NXPE2: variants seen among roughly 807,000 people sequenced by gnomAD.
NXPE2 encodes neurexophilin and PC-esterase domain family member 2.
NXPE2 carries 34 observed loss-of-function variants against 34.4 expected under a neutral mutation model. That is an observed-to-expected ratio of 0.99 (90% CI 0.75 to 1.31). The LOEUF is 1.31. NXPE2 is among the 40% of genes most tolerant of loss of function. The probability of loss-of-function intolerance (pLI) is 0.00; values close to 1 mark genes in which losing one functional copy is unlikely to be tolerated. For synonymous variants in NXPE2, 235 were observed against 231.3 expected (o/e 1.02, Z -0.15); for missense variants, 649 against 672.5 (o/e 0.97, Z 0.39).
the NXPE2 span, among the ~76,000 whole-genome samples, chr11:114,672,364 G>C: frequency 6.6e-6 from 1 of 151,552 alleles, no homozygotes. Flanking sequence ...GAATTAAGAT[G>C]TTACACTAGA....
the NXPE2 span, chr11:114,523,084 T>C: frequency 1.2e-6 from 2 of 1,611,800 alleles, no homozygotes; most frequent in Non-Finnish European, 1.7e-6. Flanking sequence ...CTTCTATTTT[T>C]TCTCTCTCTG....
the NXPE2 span, among the ~76,000 whole-genome samples, chr11:114,658,879 G>A: frequency 1.3e-5 from 2 of 152,124 alleles, no homozygotes; most frequent in Admixed American, 1.3e-4. Flanking sequence ...CTCCCAGTAG[G>A]CTAGGCAGCA....
chr11:114,731,717 A>G, the NXPE2 span, among the ~76,000 whole-genome samples: 2 of 152,262 alleles, frequency 1.3e-5, no homozygotes, highest in African/African-American at 4.8e-5. Flanking sequence ...GGTGGTGGAT[A>G]CATAAATCAG....
chr11:114,665,088 T>C, the NXPE2 span, among the ~76,000 whole-genome samples: 10 of 152,300 alleles, frequency 6.6e-5, no homozygotes, highest in Admixed American at 6.5e-4. Context: ...TATATTCCCA[T>C]TTATCAAACA....
At chr11:114,728,904 T>C in the NXPE2 span, among the ~76,000 whole-genome samples, 1 of 152,226 alleles carries the variant, frequency 6.6e-6, no homozygotes, top group African/African-American at 2.4e-5. Context: ...ATTTATTTTT[T>C]AATTTTTATA....
At chr11:114,491,902 T>C in the NXPE2 span, among the ~76,000 whole-genome samples, 4 of 152,262 alleles carry the variant, frequency 2.6e-5, no homozygotes, top group African/African-American at 7.2e-5. Flanking sequence ...AGCAAACTAT[T>C]GCAAGGACAA....
At chr11:114,657,620 C>T in the NXPE2 span, among the ~76,000 whole-genome samples, 1 of 151,880 alleles carries the variant, frequency 6.6e-6, no homozygotes, top group African/African-American at 2.4e-5. Context: ...AATAAAAATA[C>T]TTAGGAAACT....
the NXPE2 span, among the ~76,000 whole-genome samples, chr11:114,717,718 C>T: frequency 6.6e-6 from 1 of 152,226 alleles, no homozygotes; most frequent in African/African-American, 2.4e-5. Context: ...CATCTTCCCA[C>T]TTCCCCCCAC....
At chr11:114,556,050 A>G in the NXPE2 span, among the ~76,000 whole-genome samples, 1 of 152,204 alleles carries the variant, frequency 6.6e-6, no homozygotes, top group African/African-American at 2.4e-5. Context: ...GCCATATGGT[A>G]AGTAAATGTT....
intron 2 of NXPE2, among the ~76,000 whole-genome samples, chr11:114,696,555 T>C (rs930982325): frequency 1.3e-5 from 2 of 152,126 alleles, no homozygotes; most frequent in Non-Finnish European, 2.9e-5. Context: ...AAGATCATTA[T>C]GTAATGGTAA....
At chr11:114,584,551 T>C in the NXPE2 span, 7 of 162,906 alleles carry the variant, frequency 4.3e-5, no homozygotes, top group African/African-American at 1.7e-4. Flanking sequence ...GGCTGCAAGA[T>C]CTCTCCCATC....
the NXPE2 span, among the ~76,000 whole-genome samples, chr11:114,640,951 A>C: frequency 1.3e-5 from 2 of 152,050 alleles, no homozygotes; most frequent in Non-Finnish European, 2.9e-5. Context: ...GGAAAAAGGC[A>C]GTAGAACACA....
chr11:114,536,508 A>G, the NXPE2 span, among the ~76,000 whole-genome samples: 2 of 152,182 alleles, frequency 1.3e-5, no homozygotes, highest in Non-Finnish European at 2.9e-5. Flanking sequence ...TTTTTTGAAA[A>G]GATCAACAAA....
chr11:114,709,892 A>C (rs1046332307), downstream of NXPE2, among the ~76,000 whole-genome samples: 5 of 151,812 alleles, frequency 3.3e-5, no homozygotes, highest in Non-Finnish European at 7.4e-5. Flanking sequence ...ACAGAGCGAG[A>C]CTCTGTCTCA....
chr11:114,729,160 C>A, the NXPE2 span, among the ~76,000 whole-genome samples: 2 of 152,104 alleles, frequency 1.3e-5, no homozygotes, highest in Non-Finnish European at 2.9e-5. Flanking sequence ...TAAGTGAGAA[C>A]ATGTGGTATT....
At chr11:114,562,129 T>C in the NXPE2 span, among the ~76,000 whole-genome samples, 2 of 152,258 alleles carry the variant, frequency 1.3e-5, no homozygotes, top group African/African-American at 4.8e-5. Flanking sequence ...TTGTGCTTTA[T>C]GCCTCTCTTT....
chr11:114,619,148 T>C, the NXPE2 span, among the ~76,000 whole-genome samples: 1 of 151,966 alleles, frequency 6.6e-6, no homozygotes, highest in Non-Finnish European at 1.5e-5. Flanking sequence ...TGTTACCCAG[T>C]GGGTAATAAG....
At chr11:114,782,269 G>A in the NXPE2 span, among the ~76,000 whole-genome samples, 4 of 152,164 alleles carry the variant, frequency 2.6e-5, no homozygotes, top group African/African-American at 4.8e-5. Context: ...TATCTATTCC[G>A]CAAGGCAGCT....
chr11:114,636,110 G>C, the NXPE2 span, among the ~76,000 whole-genome samples: 1 of 150,028 alleles, frequency 6.7e-6, no homozygotes, highest in Admixed American at 6.7e-5. Context: ...TCTTTCGTTG[G>C]TAAGCTATTG....
Sources: gnomAD v4.1 joint callset for allele counts (sites outside exome capture counted in the v4.1 genomes callset) on GRCh38, gnomAD v4.1.1 for gene constraint, MANE v1.5 for transcripts, NCBI Gene and HGNC (gene_info 2026-07-23, HGNC 2026-07-21) for gene names.